ALK: variants seen among roughly 807,000 people sequenced by gnomAD.
ALK encodes the protein ALK receptor tyrosine kinase.
ALK carries 74 observed loss-of-function variants against 163.1 expected under a neutral mutation model. The observed-to-expected ratio is 0.45, with a 90% CI of 0.38 to 0.55. The LOEUF is 0.55. Ranked by LOEUF, ALK falls within the 20% of genes least tolerant of loss-of-function variation. The pLI is 0.00. For missense variants in ALK, 2,063 were observed against 2,105.3 expected, an observed-to-expected ratio of 0.98 and a Z score of 0.39; for synonymous variants, 960 against 843.2, an observed-to-expected ratio of 1.14 and a Z score of -2.40.
intron 3 of ALK, among the ~76,000 whole-genome samples, chr2:29,547,129 G>A (rs1014444779): frequency 6.6e-6 from 1 of 152,180 alleles, no homozygotes; most frequent in Non-Finnish European, 1.5e-5. Flanking sequence ...AGTTCTCAAA[G>A]GTTCTAGAAT....
At chr2:29,689,341 G>A (rs1055951751) in intron 3 of ALK, among the ~76,000 whole-genome samples, 3 of 152,196 alleles carry the variant, frequency 2.0e-5, no homozygotes, top group African/African-American at 7.2e-5. Context: ...GGGTGCAAAG[G>A]AGGCTATATC....
At chr2:29,659,998 A>G (rs778939775) in intron 3 of ALK, among the ~76,000 whole-genome samples, 3 of 152,148 alleles carry the variant, frequency 2.0e-5, no homozygotes, top group Non-Finnish European at 4.4e-5. Flanking sequence ...GCTAGACTCC[A>G]TCTTTTAAAA....
At chr2:29,518,331 G>A (rs1246347449) in intron 4 of ALK, among the ~76,000 whole-genome samples, 1 of 152,190 alleles carries the variant, frequency 6.6e-6, no homozygotes, top group Non-Finnish European at 1.5e-5. Context: ...GACAAACAAA[G>A]CAAGATGATG....
At chr2:29,259,646 A>G (rs748725860) in intron 11 of ALK, among the ~76,000 whole-genome samples, 12 of 152,022 alleles carry the variant, frequency 7.9e-5, no homozygotes, top group Non-Finnish European at 1.5e-4. Flanking sequence ...GTCACTTGCT[A>G]TTTTGCTTAG....
intron 11 of ALK, among the ~76,000 whole-genome samples, chr2:29,267,497 C>T (rs141858618): frequency 1.2e-4 from 18 of 152,234 alleles, no homozygotes; most frequent in South Asian, 8.3e-4. Context: ...ACACTTTGGC[C>T]TCCTCATCTT....
At chr2:29,460,991 C>T (rs1671071736) in intron 4 of ALK, among the ~76,000 whole-genome samples, 1 of 152,132 alleles carries the variant, frequency 6.6e-6, no homozygotes. Flanking sequence ...CAAGGGAGCA[C>T]ACAAATGATA....
intron 3 of ALK, among the ~76,000 whole-genome samples, chr2:29,649,320 C>A (rs927460275): frequency 4.6e-5 from 7 of 151,248 alleles, no homozygotes; most frequent in Non-Finnish European, 7.4e-5. Context: ...ACTCTGAGAC[C>A]CTCACCCCAC....
intron 1 of ALK, among the ~76,000 whole-genome samples, chr2:29,742,012 G>A (rs187298657): frequency 6.6e-6 from 1 of 152,370 alleles, no homozygotes; most frequent in East Asian, 1.9e-4. Context: ...ACATCAGTGA[G>A]CATCTTGGCC....
chr2:29,288,235 C>A (rs907414864), intron 9 of ALK, among the ~76,000 whole-genome samples: 1 of 152,334 alleles, frequency 6.6e-6, no homozygotes, highest in African/African-American at 2.4e-5. Context: ...GATGCAGATG[C>A]AGCTCTCCTG....
intron 4 of ALK, among the ~76,000 whole-genome samples, chr2:29,521,355 C>T (rs577638434): frequency 2.4e-4 from 36 of 152,296 alleles, no homozygotes; most frequent in African/African-American, 8.7e-4. Flanking sequence ...CAAGACTTCC[C>T]CACTGGCAGG....
chr2:29,581,301 T>C (rs977089701), intron 3 of ALK, among the ~76,000 whole-genome samples: 1 of 152,130 alleles, frequency 6.6e-6, no homozygotes, highest in Non-Finnish European at 1.5e-5. Context: ...GGCAGGAGAA[T>C]CGCTTGAACC....
intron 4 of ALK, among the ~76,000 whole-genome samples, chr2:29,396,663 A>C (rs981962283): frequency 6.6e-6 from 1 of 152,018 alleles, no homozygotes; most frequent in Non-Finnish European, 1.5e-5. Context: ...TGACAGAGCG[A>C]GACTCCATCT....
chr2:29,374,295 T>C (rs1324266759), intron 5 of ALK, among the ~76,000 whole-genome samples: 2 of 152,148 alleles, frequency 1.3e-5, no homozygotes, highest in African/African-American at 2.4e-5. Flanking sequence ...TGAAAACTCA[T>C]AGATTTAGGA....
chr2:29,325,526 G>A (rs531122159), intron 6 of ALK, among the ~76,000 whole-genome samples: 58 of 152,256 alleles, frequency 3.8e-4, no homozygotes, highest in African/African-American at 1.4e-3. Flanking sequence ...GCGGTAGCAG[G>A]GCCCTGGACC....
At chr2:29,460,985 G>A (rs900636201) in intron 4 of ALK, among the ~76,000 whole-genome samples, 2 of 152,114 alleles carry the variant, frequency 1.3e-5, no homozygotes, top group African/African-American at 4.8e-5. Context: ...GTTACTCAAG[G>A]GAGCACACAA....
chr2:29,349,836 G>C (rs147419340), intron 5 of ALK, among the ~76,000 whole-genome samples: 89 of 152,360 alleles, frequency 5.8e-4, no homozygotes, highest in Admixed American at 2.2e-3. Context: ...CTGTGGGGAA[G>C]ACTCCAAACT....
chr2:29,265,018 G>T (rs1021957920), intron 11 of ALK, among the ~76,000 whole-genome samples: 17 of 150,548 alleles, frequency 1.1e-4, no homozygotes, highest in African/African-American at 2.2e-4. Flanking sequence ...TTTTTTTTTT[G>T]TTGTTGTTGT....
chr2:29,549,920 T>C (rs1252103161), intron 3 of ALK, among the ~76,000 whole-genome samples: 1 of 152,208 alleles, frequency 6.6e-6, no homozygotes, highest in Non-Finnish European at 1.5e-5. Context: ...TTGGCTCATA[T>C]TGTATTTCTA....
At position 29,461,945 on chromosome 2, in the gene ALK, C is replaced by T. The variant is rs188531592; in HGVS notation, c.1154+69970G>A. On this transcript the variant is annotated intron_variant, in intron 4 of 28. Transcript: ENST00000389048. ...AATATTTTTGATTTGTAGCAGAGGT[C>T]GAAATATCAACATGGACAAGAGTTT... is the stretch of plus-strand genomic sequence containing the variant. Among the ~76,000 whole-genome samples the T allele has an allele frequency of 6.5e-3, 984 of 152,012 alleles. 7 individuals carry two copies. Among genetic ancestry groups the T allele is most frequent in the African/African-American group, 0.023 (937 of 41,460 alleles).
Sources: gnomAD v4.1 joint callset for allele counts (sites outside exome capture counted in the v4.1 genomes callset) on GRCh38, gnomAD v4.1.1 for gene constraint, MANE v1.5 for transcripts, NCBI Gene and HGNC (gene_info 2026-07-23, HGNC 2026-07-21) for gene names.